The following ANKRD20A1 variants were observed in gnomAD, a reference collection of about 807,000 sequenced individuals.
The protein encoded by ANKRD20A1 is ankyrin repeat domain-containing protein 20A1.
ANKRD20A1 carries 2 observed loss-of-function variants against 50.9 expected under a neutral mutation model. The ratio of observed to expected loss-of-function variants is 0.04; its 90% CI spans 0.02 to 0.12. ANKRD20A1 has a LOEUF of 0.12. ANKRD20A1 is among the 10% of genes least tolerant of loss of function. The probability of loss-of-function intolerance (pLI) is 1.00; values close to 1 mark genes in which losing one functional copy is unlikely to be tolerated. For missense variants in ANKRD20A1, 31 were observed against 548.1 expected, an observed-to-expected ratio of 0.06 and a Z score of 9.42; for synonymous variants, 10 against 186.2, an observed-to-expected ratio of 0.05 and a Z score of 7.70.
intron 11 of ANKRD20A1, among the ~76,000 whole-genome samples, chr9:67,891,321 G>A (rs1189089697): frequency 7.3e-6 from 1 of 137,310 alleles, no homozygotes; most frequent in Non-Finnish European, 1.6e-5. Context: ...AACAACAACA[G>A]CAACAGCAAC....
At position 67,891,069 on chromosome 9, in the gene ANKRD20A1, G is replaced by A. The variant is rs1827940737; in HGVS notation, c.1082-2367G>A. On this transcript the variant is annotated intron_variant, in intron 11 of 14. Transcript: ENST00000562196. ...CCAGCACTTTGGGAGGCTGAGACGG[G>A]CAGATAACCTGAGGTTGGGAGTTTG... 3.4e-5 allele frequency among the ~76,000 whole-genome samples: 3 copies of A among 87,814 alleles called. 1 individual carries two copies. The South Asian group carries it at 1.1e-3, about 33-fold the overall frequency. 57.6% of individuals were successfully genotyped at this position (87,814 alleles called of 152,430 possible).
intron 3 of ANKRD20A1, among the ~76,000 whole-genome samples, chr9:67,865,896 G>A (rs1827559128): frequency 1.3e-5 from 2 of 149,542 alleles, no homozygotes; most frequent in African/African-American, 4.9e-5. Context: ...AGTCTATAGA[G>A]TATATAAATC....
At chr9:67,860,472 G>A (rs1254848443) in intron 1 of ANKRD20A1, 5 of 47,262 alleles carry the variant, frequency 1.1e-4, no homozygotes, top group South Asian at 6.3e-4. Flanking sequence ...ATTTTACAGG[G>A]AATTCTTTCA....
At position 67,860,101 on chromosome 9, in the gene ANKRD20A1, A is replaced by G. The variant is rs1554810387; in HGVS notation, c.203+472A>G. ...GAGTCAGAGTCTCGCTTCTTTGCCC[A>G]GGCTGGTGTCCAATGGCACAATCTT... is the stretch of plus-strand genomic sequence containing the variant. On this transcript the variant is annotated intron_variant, in intron 1 of 14. Coordinates refer to ENST00000562196, the MANE Select transcript of ANKRD20A1 (RefSeq NM_032250.5). Among the ~76,000 whole-genome samples, 2 of 35,474 alleles carry G rather than the reference A, an allele frequency of 5.6e-5. 1 individual carries two copies. Among genetic ancestry groups the G allele is most frequent in the East Asian group, 1.1e-3 (2 of 1,904 alleles). The allele number at this position is 35,474 out of a possible 152,430, so 23.3% of individuals were successfully genotyped here.
chr9:67,894,685 A>T lies in ANKRD20A1; in HGVS notation c.1152+1179A>T, dbSNP rs1455617973. Among the ~76,000 whole-genome samples, 2 of 85,014 alleles carry T rather than the reference A, an allele frequency of 2.4e-5. 1 individual carries two copies. Among genetic ancestry groups the T allele is most frequent in the Non-Finnish European group, 5.1e-5 (2 of 38,838 alleles). 55.8% of individuals were successfully genotyped at this position (85,014 alleles called of 152,430 possible). On this transcript the variant is annotated intron_variant, in intron 12 of 14. Coordinates refer to ENST00000562196, the MANE Select transcript of ANKRD20A1 (RefSeq NM_032250.5). ...TGTTGTTTATACTTGATTAAAGCTA[A>T]TTTTAAAACATGCACTCTGACAGAA...
In ANKRD20A1 at chr9:67,880,496, T is replaced by C; in HGVS notation, c.845T>C (p.Val282Ala). ...TCAAGCATTTTCCATGAACTGCGTGTGGATTCATTGCCTGCATCGGATGAC... is the reference window on the plus strand; with the variant it reads ...TCAAGCATTTTCCATGAACTGCGTGCGGATTCATTGCCTGCATCGGATGAC... The part of the protein sequence containing the change: ...SAVSIFHELR[V>A]DSLPASDDKD... Residue 282 changes from valine (V) to alanine (A), a missense_variant, in exon 8 of 15, where the codon GTG becomes GCG. Physicochemically the swap from Val to Ala is moderately conservative, Grantham distance 64 (BLOSUM62 0). Transcript: ENST00000562196. 1 of 22,594 alleles carries C rather than the reference T, an allele frequency of 4.4e-5. No homozygotes were observed. Among genetic ancestry groups the C allele is most frequent in the South Asian group, 2.3e-4 (1 of 4,404 alleles). 1.4% of individuals were successfully genotyped at this position (22,594 alleles called of 1,614,324 possible). A position where few individuals can be genotyped will look rare whatever the true frequency, so the allele number is the denominator to read the frequency against.
chr9:67,873,440 A>C (rs1827687977), intron 6 of ANKRD20A1, among the ~76,000 whole-genome samples: 1 of 152,312 alleles, frequency 6.6e-6, no homozygotes, highest in Non-Finnish European at 1.5e-5. Context: ...CTCCAAGTCA[A>C]ATATCAAGGC....
chr9:67,865,614 T>C (rs1196016802), intron 3 of ANKRD20A1, among the ~76,000 whole-genome samples: 1 of 146,940 alleles, frequency 6.8e-6, no homozygotes, highest in Non-Finnish European at 1.5e-5. Context: ...TTTAGAAGAC[T>C]CGTGAAGAAA....
chr9:67,881,327 A>G (rs1390061540), intron 8 of ANKRD20A1, among the ~76,000 whole-genome samples: 1 of 146,054 alleles, frequency 6.8e-6, no homozygotes, highest in Non-Finnish European at 1.5e-5. Flanking sequence ...GTGGTTTATG[A>G]GTTGTCCATG....
At chr9:67,900,375 G>A (rs1444041808) in intron 14 of ANKRD20A1, 118 bp from the exon 15 acceptor site, 3 of 299,694 alleles carry the variant, frequency 1.0e-5, no homozygotes, top group African/African-American at 8.5e-5. Flanking sequence ...TTCTCCAGGT[G>A]GATATCCACT....
intron 8 of ANKRD20A1, among the ~76,000 whole-genome samples, chr9:67,882,639 C>T (rs1174228997): frequency 6.9e-6 from 1 of 144,174 alleles, no homozygotes; most frequent in African/African-American, 2.5e-5. Flanking sequence ...CCATACATTA[C>T]TCTTTATTAT....
chr9:67,871,226 T>C lies in ANKRD20A1; in HGVS notation c.793+14T>C. The C allele has an allele frequency of 1.3e-6, 2 of 1,524,520 alleles. No individual in the cohort carries two copies. The highest frequency in any genetic ancestry group is 1.8e-6 in the Non-Finnish European group (2 of 1,120,138). 94.4% of individuals were successfully genotyped at this position (1,524,520 alleles called of 1,614,324 possible). A position where few individuals can be genotyped will look rare whatever the true frequency, so the allele number is the denominator to read the frequency against. ...AGGAGAAATCAGGTAAGACTTCTGA[T>C]TGTGAATTTCTTACTTCTCTTGGTG... On this transcript the variant is annotated intron_variant, in intron 6 of 14. Coordinates refer to ENST00000562196, the MANE Select transcript of ANKRD20A1 (RefSeq NM_032250.5).
chr9:67,881,726 C>T (rs1248468936), intron 8 of ANKRD20A1, among the ~76,000 whole-genome samples: 96 of 151,662 alleles, frequency 6.3e-4, no homozygotes, highest in Non-Finnish European at 1.0e-3. Context: ...ACCCGGGAGG[C>T]GGAGGTTGCA....
At chr9:67,866,242 G>A (rs1247594071) in intron 3 of ANKRD20A1, among the ~76,000 whole-genome samples, 6 of 148,804 alleles carry the variant, frequency 4.0e-5, no homozygotes, top group African/African-American at 9.7e-5. Flanking sequence ...GTGGAAGCCA[G>A]TAAAAATGGA....
intron 8 of ANKRD20A1, among the ~76,000 whole-genome samples, chr9:67,881,557 A>C (rs1478013014): frequency 6.6e-6 from 1 of 152,216 alleles, no homozygotes; most frequent in East Asian, 1.9e-4. Context: ...ACCTGAGGTC[A>C]GGAGTTCAAG....
chr9:67,899,087 C>T lies in ANKRD20A1; in HGVS notation c.1317-60C>T. 5.6e-5 allele frequency: 43 copies of T among 770,966 alleles called. 15 individuals are homozygous for T. In the South Asian group the frequency reaches 1.0e-3, roughly 18 times the overall value. The allele number at this position is 770,966 out of a possible 1,614,324, so 47.8% of individuals were successfully genotyped here. A position where few individuals can be genotyped will look rare whatever the true frequency, so the allele number is the denominator to read the frequency against. Reference sequence around the variant, plus strand: ...AAACAACATCTGCAGAGGTAGGTAACAGGATGAACTCCTTATTTTTTAACA... The same window carrying T: ...AAACAACATCTGCAGAGGTAGGTAATAGGATGAACTCCTTATTTTTTAACA... On this transcript the variant is annotated intron_variant, in intron 13 of 14. Transcript: ENST00000562196.
At chr9:67,882,603 T>C (rs371922017) in intron 8 of ANKRD20A1, among the ~76,000 whole-genome samples, 2 of 149,790 alleles carry the variant, frequency 1.3e-5, no homozygotes, top group Admixed American at 6.8e-5. Flanking sequence ...CTCCAACTCA[T>C]GTTTTATTAA....
chr9:67,894,693 A>G (rs1827990688), intron 12 of ANKRD20A1, among the ~76,000 whole-genome samples: 1 of 83,772 alleles, frequency 1.2e-5, no homozygotes, highest in African/African-American at 3.6e-5. Context: ...TAATTTTAAA[A>G]CATGCACTCT....
chr9:67,880,815 G>T (rs1827782066), intron 8 of ANKRD20A1, among the ~76,000 whole-genome samples: 1 of 45,724 alleles, frequency 2.2e-5, no homozygotes, highest in Non-Finnish European at 5.1e-5. Flanking sequence ...ATTAGGAAAT[G>T]CTTTCTCCAA....
Sources: allele counts gnomAD v4.1 joint callset (sites outside exome capture counted in the v4.1 genomes callset), GRCh38; gene constraint gnomAD v4.1.1; transcripts MANE v1.5; gene names NCBI Gene and HGNC (gene_info 2026-07-23, HGNC 2026-07-21).